Variants in MYH10 observed in about 807,000 individuals in gnomAD.
The protein encoded by MYH10 is myosin heavy chain 10, also known as myosin-10.
Under a neutral mutation model 257.8 loss-of-function variants are expected in MYH10, and 55 were observed. The ratio of observed to expected loss-of-function variants is 0.21; its 90% CI spans 0.17 to 0.27. The LOEUF (loss-of-function observed/expected upper bound fraction) is 0.27, where lower values mean the gene tolerates loss of function less well. Among genes scored for constraint, MYH10 ranks in the 10% least tolerant of loss-of-function variants. The pLI is 1.00. For missense variants in MYH10, 1,631 were observed against 2,500.6 expected (o/e 0.65, Z 7.42); for synonymous variants, 854 against 921.7 (o/e 0.93, Z 1.33).
chr17:8,544,571 G>A (rs1450367326), intron 13 of MYH10, among the ~76,000 whole-genome samples: 1 of 152,006 alleles, frequency 6.6e-6, no homozygotes, highest in Non-Finnish European at 1.5e-5. Flanking sequence ...TATGAGGATA[G>A]ACTTATAATT....
rs774537072 is a variant in MYH10, at chr17:8,501,016, T to C, written c.3600-46A>G. 4 of 1,551,728 alleles carry C rather than the reference T, an allele frequency of 2.6e-6. No individual in the cohort carries two copies. In the Admixed American group the frequency reaches 8.3e-5, roughly 32 times the overall value. ...AGAGAGATCAGAATTAGCTGACTGA[T>C]TAAAAACACATTTTCTTTTTGAAAA... On this transcript the variant is annotated intron_variant, in intron 28 of 42. Coordinates refer to ENST00000360416, the MANE Select transcript of MYH10 (RefSeq NM_001256012.3).
chr17:8,595,966 GCTTT>G (rs940001079), intron 3 of MYH10, among the ~76,000 whole-genome samples: 17 of 152,066 alleles, frequency 1.1e-4, no homozygotes, highest in Non-Finnish European at 7.4e-5. Context: ...TTTAGACTAT[GCTTT>G]CTTTTTGTAT....
chr17:8,611,566 AAAAC>A (rs1374429366), intron 2 of MYH10, among the ~76,000 whole-genome samples: 1 of 150,550 alleles, frequency 6.6e-6, no homozygotes. Flanking sequence ...CTAAAACTGA[AAAAC>A]AAAACAAAAC....
chr17:8,577,679 A>G (rs948396754), intron 4 of MYH10, among the ~76,000 whole-genome samples: 1 of 152,166 alleles, frequency 6.6e-6, no homozygotes, highest in Non-Finnish European at 1.5e-5. Flanking sequence ...TTACATGCAC[A>G]CACCACCATG....
rs954600473 is a variant in MYH10 at position 8,545,359 on chromosome 17, C to T, written c.1431+89G>A. ...GGCAGGGACTGTATCCCTGGTGCCT[C>T]GTATGTACTGGGCACACAGTAAGCC... On this transcript the variant is annotated intron_variant, in intron 13 of 42. Coordinates refer to ENST00000360416, the MANE Select transcript of MYH10 (RefSeq NM_001256012.3). The surrounding 1 kb of genome is among the most constrained non-coding windows in gnomAD (Gnocchi z 4.7). 3 of 1,420,942 alleles carry T rather than the reference C, an allele frequency of 2.1e-6. No homozygotes were observed. Among genetic ancestry groups the T allele is most frequent in the South Asian group, 2.5e-5 (2 of 80,524 alleles). The allele number at this position is 1,420,942 out of a possible 1,614,324, so 88.0% of individuals were successfully genotyped here. A position where few individuals can be genotyped will look rare whatever the true frequency, so the allele number is the denominator to read the frequency against.
rs764621777 is a variant in MYH10, at chr17:8,492,922, G to A, written c.4312C>T (p.Arg1438Cys). The change falls in exon 33 of 43, where the codon CGC becomes TGC. Residue 1438 changes from arginine (R) to cysteine (C), a missense_variant. Arg to Cys is a radical substitution (Grantham distance 180, BLOSUM62 -3). Transcript: ENST00000360416. ...LLKDAEALSQRLEEKALAYDK... is the reference protein window; with the variant it reads ...LLKDAEALSQCLEEKALAYDK... ...TACGCCAGTGCCTTCTCCTCCAGGC[G>A]CTGGCTCAGGGCCTCCGCGTCCTTC... 8.7e-6 allele frequency: 14 copies of A among 1,614,050 alleles called. No homozygotes were observed. The highest frequency in any genetic ancestry group is 1.6e-4 in the Middle Eastern group (1 of 6,062).
chr17:8,521,299 A>T lies in MYH10; in HGVS notation c.1958-14T>A. On this transcript the variant is annotated splice_polypyrimidine_tract_variant and intron_variant, in intron 17 of 42. Transcript: ENST00000360416. The stretch of plus-strand genomic sequence containing the variant: ...CGATACGGTCCACTGGGGAGAAGAA[A>T]GGAGAAAACAAATATAAGCCAAACC... The T allele has an allele frequency of 6.2e-7, 1 of 1,612,754 alleles. No homozygotes were observed. Among genetic ancestry groups the T allele is most frequent in the South Asian group, 1.1e-5 (1 of 91,070 alleles).
At position 8,493,785 on chromosome 17, in the gene MYH10, T is replaced by C. The variant is rs767113622; in HGVS notation, c.4157A>G (p.Glu1386Gly). Residue 1386 changes from glutamate to glycine, a missense_variant, in exon 32 of 43, where the codon GAG (glutamate) becomes GGG (glycine). By Grantham distance (98) the Glu-to-Gly change is moderately conservative. Coordinates refer to ENST00000360416, the MANE Select transcript of MYH10 (RefSeq NM_001256012.3). Reference sequence around the variant, plus strand: ...CTCCAGGTTCTTCCTGGCCTCCTCCTCCTCCTCCTGCTGCTCCTGAAGACT... The same window carrying C: ...CTCCAGGTTCTTCCTGGCCTCCTCCCCCTCCTCCTGCTGCTCCTGAAGACT... ...KNSLQEQQEE[E>G]EEARKNLEKQ... The C allele has an allele frequency of 3.7e-6, 6 of 1,613,882 alleles. No homozygotes were observed. The highest frequency in any genetic ancestry group is 1.7e-5 in the Admixed American group (1 of 59,984).
At chr17:8,515,448 A>G (rs145314137) in intron 21 of MYH10, among the ~76,000 whole-genome samples, 97 of 149,844 alleles carry the variant, frequency 6.5e-4, no homozygotes, top group African/African-American at 2.3e-3. Context: ...TTTTCCCTGA[A>G]CCCACTGCTT....
chr17:8,525,025 G>A (rs1033486489), intron 17 of MYH10, among the ~76,000 whole-genome samples: 2 of 152,148 alleles, frequency 1.3e-5, no homozygotes, highest in African/African-American at 4.8e-5. Flanking sequence ...AGTGTTCAAC[G>A]AAGGCACCTC....
chr17:8,626,213 C>T (rs1040451033), intron 1 of MYH10, among the ~76,000 whole-genome samples: 5 of 152,152 alleles, frequency 3.3e-5, no homozygotes, highest in African/African-American at 1.2e-4. Flanking sequence ...CCTCTAGGGA[C>T]TGGTCTAATA....
chr17:8,627,033 G>A (rs972658069), intron 1 of MYH10, among the ~76,000 whole-genome samples: 10 of 152,144 alleles, frequency 6.6e-5, no homozygotes, highest in Admixed American at 1.3e-4. Context: ...TTTTCTAGAT[G>A]GGGAAATGCT....
rs933021721 is a variant in MYH10 at position 8,535,128 on chromosome 17, TC to T, written c.1894+258del. 2.6e-5 allele frequency among the ~76,000 whole-genome samples: 4 copies of T among 152,260 alleles called. No homozygotes were observed. The highest frequency in any genetic ancestry group is 9.6e-5 in the African/African-American group (4 of 41,556). On this transcript the variant is annotated intron_variant, in intron 16 of 42. Transcript: ENST00000360416. This position sits in a 1 kb window ranked among gnomAD's most constrained non-coding sequence, Gnocchi z 4.3. ...TGGTGGCCTAAGTCATACGTGTACGTCTTTGTGGCTCCGGGCCTAGAATGTT... is the reference window on the plus strand; with the variant it reads ...TGGTGGCCTAAGTCATACGTGTACGTTTTGTGGCTCCGGGCCTAGAATGTT...
chr17:8,626,437 C>A (rs932193469), intron 1 of MYH10, among the ~76,000 whole-genome samples: 1 of 151,840 alleles, frequency 6.6e-6, no homozygotes, highest in East Asian at 1.9e-4. Context: ...CTTGGTGTCA[C>A]AGGCCTGCAG....
At chr17:8,629,116 G>A (rs1314486269) in intron 1 of MYH10, among the ~76,000 whole-genome samples, 2 of 152,066 alleles carry the variant, frequency 1.3e-5, no homozygotes, top group Non-Finnish European at 2.9e-5. Context: ...ATTAATAAAG[G>A]CAGATTGATG....
At chr17:8,542,818 G>A (rs1232410299) in intron 13 of MYH10, among the ~76,000 whole-genome samples, 2 of 152,178 alleles carry the variant, frequency 1.3e-5, no homozygotes, top group South Asian at 2.1e-4. Flanking sequence ...GCATGGAATT[G>A]CTGAGAGCTC....
rs1012277205 is a variant in MYH10 at position 8,604,725 on chromosome 17, A to T, written c.502+101T>A. The stretch of plus-strand genomic sequence containing the variant: ...ACATTACTTTTTTATTAATTTTAAA[A>T]AAATAAAATTTAACTTTTGTAGAAT... On this transcript the variant is annotated intron_variant, in intron 3 of 42. Coordinates refer to ENST00000360416, the MANE Select transcript of MYH10 (RefSeq NM_001256012.3). The T allele has an allele frequency of 4.0e-5, 36 of 909,148 alleles. No individual in the cohort carries two copies. The African/African-American group carries it at 5.9e-4, about 15-fold the overall frequency. The allele number at this position is 909,148 out of a possible 1,614,324, so 56.3% of individuals were successfully genotyped here.
chr17:8,562,778 T>C (rs1283353099), intron 7 of MYH10, among the ~76,000 whole-genome samples: 1 of 152,242 alleles, frequency 6.6e-6, no homozygotes, highest in Non-Finnish European at 1.5e-5. Flanking sequence ...TTCTCTCATA[T>C]ATAATCAAAT....
intron 28 of MYH10, among the ~76,000 whole-genome samples, chr17:8,502,533 CAAAGGA>C (rs2080929778): frequency 1.3e-5 from 2 of 149,934 alleles, no homozygotes; most frequent in Non-Finnish European, 3.0e-5. Flanking sequence ...ATCCAGTGGT[CAAAGGA>C]AACCTTCATC....
Sources: allele counts gnomAD v4.1 joint callset (sites outside exome capture counted in the v4.1 genomes callset), GRCh38; gene constraint gnomAD v4.1.1; non-coding constraint Gnocchi (gnomAD v3.1); transcripts MANE v1.5; gene names NCBI Gene and HGNC (gene_info 2026-07-23, HGNC 2026-07-21).